FSTL1: variants seen among roughly 807,000 people sequenced by gnomAD.
FSTL1 encodes the protein follistatin like 1.
In FSTL1, 24 loss-of-function variants were observed where a neutral mutation model predicts 45.9. The ratio of observed to expected loss-of-function variants is 0.52; its 90% CI spans 0.38 to 0.74. The LOEUF (loss-of-function observed/expected upper bound fraction) is 0.74. FSTL1 is among the 30% of genes least tolerant of loss of function. The pLI is 0.00. For synonymous variants in FSTL1, 120 were observed against 137.6 expected (o/e 0.87, Z 0.89); for missense variants, 340 against 381.8 (o/e 0.89, Z 0.91).
rs1175762362 is a variant in FSTL1 at position 120,450,989 on chromosome 3, G to C, written c.-93C>G. ...GGAGCTCCGCCGATCGCCAGCCTCG[G>C]AGGAAATGCGACCTCCCCTCGCCGC... On this transcript the variant is annotated 5_prime_UTR_variant, in exon 1 of 11. Transcript: ENST00000295633. The C allele has an allele frequency of 2.2e-6, 1 of 459,028 alleles. No homozygotes were observed. The highest frequency in any genetic ancestry group is 3.6e-5 in the East Asian group (1 of 28,152). The allele number at this position is 459,028 out of a possible 1,614,324, so 28.4% of individuals were successfully genotyped here.
At position 120,392,858 on chromosome 3, in the gene FSTL1, G is replaced by A. The variant is rs1208144884; in HGVS notation, c.*4094C>T. ...CCTTATTTCAGAAATAATTCAAGAG[G>A]ACTGATGATAACTTGATAAAGAAGC... On this transcript the variant is annotated 3_prime_UTR_variant, in exon 11 of 11. Transcript: ENST00000295633. The A allele has an allele frequency of 6.6e-6, 1 of 151,248 alleles. No homozygotes were observed. Among genetic ancestry groups the A allele is most frequent in the Non-Finnish European group, 1.5e-5 (1 of 67,992 alleles). 9.4% of individuals were successfully genotyped at this position (151,248 alleles called of 1,614,324 possible).
intron 2 of FSTL1, chr3:120,419,677 T>C (rs1937246158): frequency 6.6e-6 from 1 of 152,256 alleles, no homozygotes; most frequent in African/African-American, 2.4e-5. Flanking sequence ...GGTTTGGGAT[T>C]GGGTAGGTAA....
At chr3:120,401,739 C>T (rs955869750) in intron 9 of FSTL1, among the ~76,000 whole-genome samples, 1 of 152,150 alleles carries the variant, frequency 6.6e-6, no homozygotes, top group South Asian at 2.1e-4. Flanking sequence ...CGTGCCATCA[C>T]GCCTGCCTAA....
chr3:120,408,047 C>G (rs546891737), intron 6 of FSTL1, among the ~76,000 whole-genome samples: 77 of 152,288 alleles, frequency 5.1e-4, no homozygotes, highest in Non-Finnish European at 8.2e-4. Context: ...CTAAGTGGCC[C>G]CTGGGAAGGA....
chr3:120,403,116 C>T, intron 8 of FSTL1, 126 bp downstream of exon 8: 1 of 722,044 alleles, frequency 1.4e-6, no homozygotes, highest in Non-Finnish European at 2.5e-6. Flanking sequence ...GGGCTGGGGC[C>T]CAGTTTAGAA....
At chr3:120,414,094 C>A (rs919092154) in intron 3 of FSTL1, among the ~76,000 whole-genome samples, 21 of 152,094 alleles carry the variant, frequency 1.4e-4, no homozygotes, top group African/African-American at 5.1e-4. Context: ...TCAATGGTGC[C>A]CAGGCTGGAG....
At chr3:120,405,021 T>C in intron 6 of FSTL1, 50 bp from the exon 7 acceptor site, 1 of 932,590 alleles carries the variant, frequency 1.1e-6, no homozygotes, top group Non-Finnish European at 1.8e-6. Flanking sequence ...AGAACCCCTG[T>C]TCCATCATTA....
intron 6 of FSTL1, among the ~76,000 whole-genome samples, chr3:120,405,626 G>A (rs1936932328): frequency 6.6e-6 from 1 of 152,182 alleles, no homozygotes. Flanking sequence ...TCTGCCCTGT[G>A]GGCCCCACTG....
At chr3:120,438,275 C>G (rs1371676667) in intron 2 of FSTL1, 1 of 152,120 alleles carries the variant, frequency 6.6e-6, no homozygotes, top group East Asian at 1.9e-4. Context: ...CTTTTTCCCC[C>G]CAAAATTTCT....
intron 2 of FSTL1, among the ~76,000 whole-genome samples, chr3:120,450,069 C>G (rs1209971788): frequency 1.3e-5 from 2 of 152,026 alleles, no homozygotes; most frequent in African/African-American, 4.8e-5. Context: ...ACTGGAAACT[C>G]GAGCCCCCAA....
chr3:120,409,731 G>C, intron 5 of FSTL1, 69 bp from the exon 6 acceptor site: 4 of 1,468,772 alleles, frequency 2.7e-6, no homozygotes, highest in Non-Finnish European at 2.8e-6. Flanking sequence ...GGCACCCACT[G>C]TGTGGGAGCA....
intron 5 of FSTL1, 129 bp from the exon 6 acceptor site, chr3:120,409,791 G>A: frequency 1.4e-6 from 1 of 722,294 alleles, no homozygotes; most frequent in South Asian, 1.9e-5. Flanking sequence ...AGGGAGATAG[G>A]ATTAGCACAT....
chr3:120,418,521 G>T (rs1282891765), intron 2 of FSTL1, among the ~76,000 whole-genome samples: 2 of 152,192 alleles, frequency 1.3e-5, no homozygotes, highest in Non-Finnish European at 2.9e-5. Context: ...CTAGAAAGTG[G>T]CAGAGCTAGA....
intron 2 of FSTL1, among the ~76,000 whole-genome samples, chr3:120,444,101 GCT>G (rs1937686284): frequency 6.7e-6 from 1 of 149,866 alleles, no homozygotes; most frequent in African/African-American, 2.5e-5. Context: ...CATCCAAAGA[GCT>G]TAGAAACTTG....
chr3:120,444,635 T>G (rs1174801160), intron 2 of FSTL1, among the ~76,000 whole-genome samples: 1 of 149,838 alleles, frequency 6.7e-6, no homozygotes, highest in African/African-American at 2.6e-5. Flanking sequence ...TAATATGTGG[T>G]ATTTTATTTA....
At chr3:120,450,296 G>A (rs1937856098) in intron 2 of FSTL1, among the ~76,000 whole-genome samples, 1 of 152,078 alleles carries the variant, frequency 6.6e-6, no homozygotes, top group Non-Finnish European at 1.5e-5. Context: ...CCCGCCCCCA[G>A]GAGACAGACT....
chr3:120,410,823 C>T (rs763554017), intron 5 of FSTL1, 129 bp downstream of exon 5: 2 of 811,828 alleles, frequency 2.5e-6, no homozygotes, highest in African/African-American at 3.4e-5. Context: ...GAGGAGTGGC[C>T]AGTTCTGGGA....
At chr3:120,419,461 T>C (rs565315371) in intron 2 of FSTL1, 1 of 152,168 alleles carries the variant, frequency 6.6e-6, no homozygotes, top group Non-Finnish European at 1.5e-5. Context: ...TGGTGGGTAG[T>C]CTTACCCATC....
intron 3 of FSTL1, among the ~76,000 whole-genome samples, chr3:120,412,819 T>TGCGCGC (rs67648835): frequency 1.2e-4 from 8 of 68,808 alleles, no homozygotes; most frequent in South Asian, 4.7e-4. Context: ...CACACACATG[T>TGCGCGC]GCGCGCGCGC....
Sources: gnomAD v4.1 joint callset for allele counts (sites outside exome capture counted in the v4.1 genomes callset) on GRCh38, gnomAD v4.1.1 for gene constraint, MANE v1.5 for transcripts, NCBI Gene and HGNC (gene_info 2026-07-23, HGNC 2026-07-21) for gene names.